ARHGEF2: variants seen among roughly 807,000 people sequenced by gnomAD.
ARHGEF2 encodes Rho/Rac guanine nucleotide exchange factor 2.
Under a neutral mutation model 121.0 loss-of-function variants are expected in ARHGEF2, and 22 were observed. The ratio of observed to expected loss-of-function variants is 0.18; its 90% CI spans 0.13 to 0.26. The LOEUF is 0.26. ARHGEF2 is among the 10% of genes least tolerant of loss of function. ARHGEF2 has a pLI of 1.00. For missense variants in ARHGEF2, 907 were observed against 1,336.0 expected (o/e 0.68, Z 5.01); for synonymous variants, 487 against 530.0 (o/e 0.92, Z 1.11).
rs1190045292 is a variant in ARHGEF2, at chr1:155,978,528, G to A, written c.-101C>T. 6 of 1,289,506 alleles carry A rather than the reference G, an allele frequency of 4.7e-6. No individual in the cohort carries two copies. The African/African-American group carries it at 6.2e-5, about 13-fold the overall frequency. 79.9% of individuals were successfully genotyped at this position (1,289,506 alleles called of 1,614,324 possible). A position where few individuals can be genotyped will look rare whatever the true frequency, so the allele number is the denominator to read the frequency against. Reference sequence around the variant, plus strand: ...GGTTCGGCCCGCACGCGTTGGTCTCGGGGACAGGAAGTCTGACTCCCCTCG... The same window carrying A: ...GGTTCGGCCCGCACGCGTTGGTCTCAGGGACAGGAAGTCTGACTCCCCTCG... On this transcript the variant is annotated 5_prime_UTR_variant, in exon 1 of 22. Coordinates refer to ENST00000361247, the MANE Select transcript of ARHGEF2 (RefSeq NM_001162383.2). The surrounding 1 kb of genome is among the most constrained non-coding windows in gnomAD (Gnocchi z 4.1).
chr1:155,957,970 A>T, intron 12 of ARHGEF2, 88 bp from the exon 13 acceptor site: 1 of 1,352,864 alleles, frequency 7.4e-7, no homozygotes, highest in Non-Finnish European at 1.0e-6. Flanking sequence ...CGAGGACTGA[A>T]AGGACTGAAG....
At chr1:155,976,624 T>G (rs2102698026) in intron 1 of ARHGEF2, among the ~76,000 whole-genome samples, 1 of 98,222 alleles carries the variant, frequency 1.0e-5, no homozygotes, top group East Asian at 3.1e-4. Flanking sequence ...CCGCTCTCTA[T>G]ACCCCCTAGC....
chr1:155,969,847 G>A, intron 1 of ARHGEF2: 4 of 986,000 alleles, frequency 4.1e-6, no homozygotes, highest in Non-Finnish European at 4.8e-6. Context: ...GCTGAAGGGG[G>A]CAGAATGCCT....
rs768765502 is a variant in ARHGEF2, at chr1:155,969,281, ATCT to A, written c.80_82del (p.Lys27del). Reference sequence around the variant, plus strand: ...ATAGCGGGCATCCTTGGCTTCCTTCATCTTCTCCTTTTCCCGGGTCTGTGGAAG... The same window carrying A: ...ATAGCGGGCATCCTTGGCTTCCTTCATCTCCTTTTCCCGGGTCTGTGGAAG... On this transcript the variant is annotated inframe_deletion, in exon 2 of 22. Transcript: ENST00000361247. 4 of 1,614,116 alleles carry A rather than the reference ATCT, an allele frequency of 2.5e-6. No individual in the cohort carries two copies. The highest frequency in any genetic ancestry group is 1.1e-5 in the South Asian group (1 of 91,082).
chr1:155,952,713 C>T lies in ARHGEF2; in HGVS notation c.1899G>A (p.Leu633=). 1 of 1,614,204 alleles carries T rather than the reference C, an allele frequency of 6.2e-7. No homozygotes were observed. The highest frequency in any genetic ancestry group is 1.1e-5 in the South Asian group (1 of 91,088). The change falls in exon 15 of 22, where the codon CTG becomes CTA. Residue 633 remains leucine (L), a synonymous_variant. Coordinates refer to ENST00000361247, the MANE Select transcript of ARHGEF2 (RefSeq NM_001162383.2). ...GGAAAAGGCCCCTGGGCAGGGTGGG[C>T]AGGGCCATCCCACTGCCACCATCCT... ...AEEDGGSGMA[L]PTLPRGLFRS...
At chr1:155,959,035 T>G (rs1378845494) in intron 11 of ARHGEF2, among the ~76,000 whole-genome samples, 1 of 152,052 alleles carries the variant, frequency 6.6e-6, no homozygotes, top group East Asian at 1.9e-4. Flanking sequence ...CCTGACTGAT[T>G]CAGGTTTCTT....
In ARHGEF2 at chr1:155,961,570, C is replaced by T. The variant is rs1677932565; in HGVS notation, c.1468+91G>A. The T allele has an allele frequency of 2.2e-5, 33 of 1,529,438 alleles. No homozygotes were observed. The highest frequency in any genetic ancestry group is 3.7e-5 in the South Asian group (3 of 80,746). The allele number at this position is 1,529,438 out of a possible 1,614,324, so 94.7% of individuals were successfully genotyped here. On this transcript the variant is annotated intron_variant, in intron 11 of 21. Coordinates refer to ENST00000361247, the MANE Select transcript of ARHGEF2 (RefSeq NM_001162383.2). The surrounding 1 kb of genome is among the most constrained non-coding windows in gnomAD (Gnocchi z 4.7). ...ATTACAGGCGTTGAGCCACTGCACC[C>T]GGCCAAGAGAGGTTGATTCTAAGAC... is the stretch of plus-strand genomic sequence containing the variant.
chr1:155,967,560 G>T (rs1368433755), intron 2 of ARHGEF2, among the ~76,000 whole-genome samples: 1 of 152,118 alleles, frequency 6.6e-6, no homozygotes, highest in African/African-American at 2.4e-5. Context: ...CAGCTCCAAG[G>T]CTGATTGATG....
At chr1:155,964,193 T>C (rs1382973152) in intron 7 of ARHGEF2, among the ~76,000 whole-genome samples, 8 of 120,654 alleles carry the variant, frequency 6.6e-5, no homozygotes, top group African/African-American at 2.4e-4. Context: ...TATATATATA[T>C]ATATACATAT....
At chr1:155,970,109 T>A in intron 1 of ARHGEF2, 2 of 985,428 alleles carry the variant, frequency 2.0e-6, no homozygotes, top group Non-Finnish European at 2.4e-6. Flanking sequence ...TCATACTACT[T>A]TCCAGAGTTA....
chr1:155,956,887 CAAAAAAAA>C (rs34831517), intron 13 of ARHGEF2, among the ~76,000 whole-genome samples: 1 of 80,432 alleles, frequency 1.2e-5, no homozygotes, highest in Non-Finnish European at 2.3e-5. Context: ...ACTCTGTCTC[CAAAAAAAA>C]AAAAAAAAAA....
In ARHGEF2 at chr1:155,965,645, G is replaced by A. The variant is rs1283195063; in HGVS notation, c.456C>T (p.Thr152=). Residue 152 remains threonine (T), a synonymous_variant, in exon 5 of 22, where the codon ACC becomes ACT. Transcript: ENST00000361247. The surrounding 1 kb of genome is among the most constrained non-coding windows in gnomAD (Gnocchi z 6.0). ...SSLSLAKSVS[T]TNIAGHFNDE... is the part of the protein sequence containing the mutation. ...CAGAGGCTCACCCAGCAATGTTGGT[G>A]GTAGAAACACTCTTGGCTAAAGACA... The A allele has an allele frequency of 1.9e-6, 3 of 1,612,690 alleles. No homozygotes were observed. Among genetic ancestry groups the A allele is most frequent in the Non-Finnish European group, 2.5e-6 (3 of 1,179,872 alleles).
At position 155,965,045 on chromosome 1, in the gene ARHGEF2, T is replaced by C; in HGVS notation, c.667A>G (p.Ser223Gly). The C allele has an allele frequency of 6.2e-7, 1 of 1,614,206 alleles. No homozygotes were observed. The highest frequency in any genetic ancestry group is 8.5e-7 in the Non-Finnish European group (1 of 1,180,038). The change falls in exon 7 of 22, where the codon AGC becomes GGC. Residue 223 changes from serine to glycine, a missense_variant. Transcript: ENST00000361247. This position sits in a 1 kb window ranked among gnomAD's most constrained non-coding sequence, Gnocchi z 6.0. The stretch of plus-strand genomic sequence containing the variant: ...TTTTTATGCTGCTGCAGGAAGCTGC[T>C]GTCCACAGCAAGACTCCAAGAGTCA... ...AADSWSLAVD[S>G]SFLQQHKKEV...
rs938502876 is a variant in ARHGEF2, at chr1:155,951,865, T to C, written c.2172+54A>G. The C allele has an allele frequency of 1.9e-6, 3 of 1,612,900 alleles. No homozygotes were observed. The African/African-American group carries it at 4.0e-5, about 22-fold the overall frequency. On this transcript the variant is annotated intron_variant, in intron 17 of 21. Coordinates refer to ENST00000361247, the MANE Select transcript of ARHGEF2 (RefSeq NM_001162383.2). The surrounding 1 kb of genome is among the most constrained non-coding windows in gnomAD (Gnocchi z 5.1). ...AGCTTTGTGTTGAGGATCCAGAGGCTGGCTGTCCCTCTCCCACCCTCTTGC... is the reference window on the plus strand; with the variant it reads ...AGCTTTGTGTTGAGGATCCAGAGGCCGGCTGTCCCTCTCCCACCCTCTTGC...
intron 7 of ARHGEF2, among the ~76,000 whole-genome samples, chr1:155,964,165 A>ATATAT (rs1390390498): frequency 1.1e-5 from 1 of 93,044 alleles, no homozygotes; most frequent in African/African-American, 5.7e-5. Flanking sequence ...AAAAAAAAAA[A>ATATAT]AAATATATAT....
At chr1:155,966,620 G>A (rs1679430105) in intron 3 of ARHGEF2, 141 bp from the exon 4 acceptor site, 3 of 1,078,714 alleles carry the variant, frequency 2.8e-6, no homozygotes, top group Non-Finnish European at 4.2e-6. Flanking sequence ...GGGTGATTGA[G>A]CCCAGTGCTG....
At chr1:155,958,252 G>T in intron 12 of ARHGEF2, 68 bp downstream of exon 12, 1 of 1,331,430 alleles carries the variant, frequency 7.5e-7, no homozygotes, top group Non-Finnish European at 1.1e-6. Context: ...TCGTGGGCTT[G>T]GGCAGGAAAG....
Position 155,951,442 on chromosome 1 carries a change from T to C in ARHGEF2, c.2259+41A>G. 2 of 1,612,882 alleles carry C rather than the reference T, an allele frequency of 1.2e-6. No homozygotes were observed. The highest frequency in any genetic ancestry group is 1.7e-6 in the Non-Finnish European group (2 of 1,178,886). On this transcript the variant is annotated intron_variant, in intron 19 of 21. Transcript: ENST00000361247. The surrounding 1 kb of genome is among the most constrained non-coding windows in gnomAD (Gnocchi z 5.1). ...CCCACCTAAACAGGCATCTCTAGCC[T>C]GGCTCCTCCCCTTCCCCATTCAAGC...
chr1:155,956,407 C>T (rs1301834646), intron 13 of ARHGEF2, among the ~76,000 whole-genome samples: 2 of 151,494 alleles, frequency 1.3e-5, no homozygotes, highest in African/African-American at 4.9e-5. Context: ...CCTGCAATTT[C>T]ATACTTTTAT....
Sources: gnomAD v4.1 joint callset for allele counts (sites outside exome capture counted in the v4.1 genomes callset) on GRCh38, gnomAD v4.1.1 for gene constraint, Gnocchi (gnomAD v3.1) non-coding constraint, MANE v1.5 for transcripts, NCBI Gene and HGNC (gene_info 2026-07-23, HGNC 2026-07-21) for gene names.